Variants in ADGRE3 observed in about 807,000 individuals in gnomAD.
ADGRE3 encodes the protein adhesion G protein-coupled receptor E3.
ADGRE3 carries 88 observed loss-of-function variants against 80.1 expected under a neutral mutation model. The ratio of observed to expected loss-of-function variants is 1.10; its 90% confidence interval spans 0.93 to 1.31. ADGRE3 has a LOEUF of 1.31. ADGRE3 is among the 40% of genes most tolerant of loss of function. The pLI, the probability that ADGRE3 is intolerant of heterozygous loss-of-function variation, is 0.00. For synonymous variants in ADGRE3, 281 were observed against 294.8 expected, an observed-to-expected ratio of 0.95 and a Z score of 0.48; for missense variants, 715 against 776.5, an observed-to-expected ratio of 0.92 and a Z score of 0.94.
At chr19:14,609,949 T>C in the ADGRE3 span, 3 of 737,860 alleles carry the variant, frequency 4.1e-6, no homozygotes, top group South Asian at 1.7e-5. Context: ...ACACACGGCC[T>C]AATATGGGTT....
downstream of ADGRE3, among the ~76,000 whole-genome samples, chr19:14,615,198 CCTT>C (rs200786940): frequency 5.5e-4 from 67 of 122,538 alleles, 5 homozygotes; most frequent in Non-Finnish European, 8.6e-4. Flanking sequence ...TCTACAGCTG[CCTT>C]CTTTTTTTTT....
chr19:14,648,177 G>A (rs1451082883), intron 7 of ADGRE3, among the ~76,000 whole-genome samples: 1 of 151,518 alleles, frequency 6.6e-6, no homozygotes, highest in East Asian at 1.9e-4. Context: ...CTGAGACAAT[G>A]AATAATAATC....
At chr19:14,653,763 G>A (rs749384215) in intron 6 of ADGRE3, among the ~76,000 whole-genome samples, 13 of 151,818 alleles carry the variant, frequency 8.6e-5, no homozygotes, top group Non-Finnish European at 1.9e-4. Context: ...TTATTGACAG[G>A]AGAATGAAGC....
rs1415988959 is a variant in ADGRE3, at chr19:14,620,537, T to TA, written c.1921-1067_1921-1066insT. Among the ~76,000 whole-genome samples, 7 of 18,444 alleles carry TA rather than the reference T, an allele frequency of 3.8e-4. 1 individual carries two copies. The highest frequency in any genetic ancestry group is 2.3e-3 in the East Asian group (2 of 866). 12.1% of individuals were successfully genotyped at this position (18,444 alleles called of 152,430 possible). On this transcript the variant is annotated intron_variant, in intron 15 of 15. Coordinates refer to ENST00000253673, the MANE Select transcript of ADGRE3 (RefSeq NM_032571.5). ...ATGACTATATATGAATATATATATT[T>TA]TATATATATATTATATATATATATA...
chr19:14,604,137 G>A, the ADGRE3 span, among the ~76,000 whole-genome samples: 1 of 152,122 alleles, frequency 6.6e-6, no homozygotes, highest in Non-Finnish European at 1.5e-5. Flanking sequence ...CATCTAGTCT[G>A]ATGGGACAGG....
At chr19:14,663,985 T>A (rs1469012742) in intron 2 of ADGRE3, among the ~76,000 whole-genome samples, 4 of 152,076 alleles carry the variant, frequency 2.6e-5, no homozygotes, top group African/African-American at 9.7e-5. Context: ...ATAATAATAA[T>A]GAGGCCTCGC....
intron 8 of ADGRE3, 120 bp from the exon 9 acceptor site, chr19:14,644,395 A>G (rs1599627816): frequency 4.8e-6 from 3 of 626,434 alleles, no homozygotes; most frequent in South Asian, 5.2e-5. Flanking sequence ...ATCTCGGCTC[A>G]CTGCAACCTC....
At chr19:14,629,646 G>A (rs1970824993) in intron 14 of ADGRE3, among the ~76,000 whole-genome samples, 1 of 152,126 alleles carries the variant, frequency 6.6e-6, no homozygotes. Context: ...TCTGCATCCT[G>A]GAGCAAAGGC....
intron 1 of ADGRE3, among the ~76,000 whole-genome samples, chr19:14,671,383 G>T (rs556968918): frequency 6.6e-6 from 1 of 151,984 alleles, no homozygotes; most frequent in South Asian, 2.1e-4. Flanking sequence ...CTTGGCTCAC[G>T]GACCCTTCCT....
chr19:14,649,575 T>A (rs1971528411), intron 7 of ADGRE3, among the ~76,000 whole-genome samples: 1 of 146,520 alleles, frequency 6.8e-6, no homozygotes, highest in Non-Finnish European at 1.5e-5. Context: ...TCTCTCTCCA[T>A]CTCTTTCTCC....
chr19:14,671,087 C>T (rs79506459), intron 1 of ADGRE3, among the ~76,000 whole-genome samples: 6,438 of 152,272 alleles, frequency 0.042, 152 homozygotes, highest in East Asian at 0.1. Context: ...GGAGAAGAGG[C>T]CCTGGGGGCT....
intron 6 of ADGRE3, 71 bp downstream of exon 6, chr19:14,654,911 T>C (rs1302453302): frequency 3.1e-5 from 39 of 1,268,652 alleles, no homozygotes; most frequent in Non-Finnish European, 3.2e-5. Flanking sequence ...ATTTTTTTTT[T>C]CTAATTGCCT....
intron 4 of ADGRE3, among the ~76,000 whole-genome samples, chr19:14,660,594 A>G (rs934910772): frequency 6.6e-6 from 1 of 150,788 alleles, no homozygotes; most frequent in Non-Finnish European, 1.5e-5. Flanking sequence ...ACTGTACTCC[A>G]GCCTGGGTGA....
At chr19:14,669,116 A>G (rs1972182272) in intron 1 of ADGRE3, among the ~76,000 whole-genome samples, 1 of 152,208 alleles carries the variant, frequency 6.6e-6, no homozygotes, top group African/African-American at 2.4e-5. Context: ...GCACTCATAC[A>G]TTTACAGCAG....
At chr19:14,621,188 C>A (rs918426276) in intron 15 of ADGRE3, among the ~76,000 whole-genome samples, 10 of 151,960 alleles carry the variant, frequency 6.6e-5, no homozygotes, top group Non-Finnish European at 1.3e-4. Flanking sequence ...CCCAGTGGCT[C>A]ACACCTGTAA....
intron 15 of ADGRE3, among the ~76,000 whole-genome samples, chr19:14,620,447 T>G (rs1212488714): frequency 7.6e-6 from 1 of 131,826 alleles, no homozygotes; most frequent in African/African-American, 2.9e-5. Flanking sequence ...TGTATATTCA[T>G]GTATATATGA....
downstream of ADGRE3, among the ~76,000 whole-genome samples, chr19:14,618,098 CATTT>C (rs547636567): frequency 1.3e-5 from 2 of 151,952 alleles, no homozygotes; most frequent in East Asian, 1.9e-4. Context: ...ACACTTTAAA[CATTT>C]ATTTATTTAT....
chr19:14,613,988 G>A, the ADGRE3 span, among the ~76,000 whole-genome samples: 41 of 151,878 alleles, frequency 2.7e-4, no homozygotes, highest in African/African-American at 8.9e-4. Context: ...ACCCAGCCTC[G>A]TTATTTATTT....
At position 14,644,232 on chromosome 19, in the gene ADGRE3, C is replaced by T. The variant is rs1971336135; in HGVS notation, c.926G>A (p.Ser309Asn). The T allele has an allele frequency of 1.9e-6, 3 of 1,598,098 alleles. No individual in the cohort carries two copies. The highest frequency in any genetic ancestry group is 2.7e-5 in the African/African-American group (2 of 73,772). ...TKKVFCVYWK[S>N]TGQGSQWSRD... The stretch of plus-strand genomic sequence containing the variant: ...GGACCACTGGCTGCCCTGCCCTGTG[C>T]TCTTCCAGTAGACACAGAAGACCTT... The change falls in exon 9 of 16, where the codon AGC (serine) becomes AAC (asparagine). Residue 309 changes from serine (S) to asparagine (N), a missense_variant. Transcript: ENST00000253673.
Sources: gnomAD v4.1 joint callset for allele counts (sites outside exome capture counted in the v4.1 genomes callset) on GRCh38, gnomAD v4.1.1 for gene constraint, MANE v1.5 for transcripts, NCBI Gene and HGNC (gene_info 2026-07-23, HGNC 2026-07-21) for gene names.